The following ELP1 variants were observed in gnomAD, a reference collection of about 807,000 sequenced individuals.
ELP1 encodes the protein elongator complex protein 1.
A neutral mutation model predicts 183.2 loss-of-function variants in ELP1; 131 were observed. The observed-to-expected ratio is 0.72, with a 90% confidence interval of 0.62 to 0.83. ELP1 has a LOEUF of 0.83. Among genes scored for constraint, ELP1 ranks in the 40% least tolerant of loss-of-function variants. ELP1 has a pLI of 0.00. For missense variants in ELP1, 1,550 were observed against 1,594.9 expected (o/e 0.97, Z 0.48); for synonymous variants, 555 against 569.0 (o/e 0.98, Z 0.35).
intron 5 of ELP1, among the ~76,000 whole-genome samples, chr9:108,924,680 A>T (rs750577768): frequency 6.6e-6 from 1 of 152,002 alleles, no homozygotes; most frequent in Non-Finnish European, 1.5e-5. Flanking sequence ...CTACATACCC[A>T]CTACTCTCAG....
chr9:108,897,308 T>TGGTC (rs1221661145), intron 22 of ELP1, 23 bp from the exon 23 acceptor site: 2 of 1,613,700 alleles, frequency 1.2e-6, no homozygotes, highest in African/African-American at 2.7e-5. Flanking sequence ...GTGTATGGAA[T>TGGTC]GGTCATCAAC....
intron 22 of ELP1, among the ~76,000 whole-genome samples, chr9:108,898,112 G>A (rs1828625914): frequency 6.6e-6 from 1 of 152,212 alleles, no homozygotes; most frequent in African/African-American, 2.4e-5. Context: ...GCGAATCCAG[G>A]TGGGGTATAT....
chr9:108,902,761 G>T, intron 16 of ELP1, 78 bp downstream of exon 16: 9 of 1,074,672 alleles, frequency 8.4e-6, no homozygotes, highest in Non-Finnish European at 1.3e-5. Context: ...CACCTCCAAA[G>T]CCCACGCTCT....
intron 12 of ELP1, among the ~76,000 whole-genome samples, chr9:108,909,661 T>A (rs1198440750): frequency 6.6e-6 from 1 of 152,228 alleles, no homozygotes; most frequent in Non-Finnish European, 1.5e-5. Flanking sequence ...TGAACACTGC[T>A]CTGGCTCAAG....
chr9:108,893,610 T>C (rs1828424927), intron 26 of ELP1, among the ~76,000 whole-genome samples: 1 of 152,054 alleles, frequency 6.6e-6, no homozygotes, highest in African/African-American at 2.4e-5. Context: ...ACAAGCAGAG[T>C]TTCCCTGACA....
rs146162690 is a variant in ELP1, at chr9:108,908,289, A to T, written c.1460+16T>A. ...CTGATTCTGTTCCCAGAAGCCCAAG[A>T]TAATTAAGAACCTACTTGTATCTCT... is the stretch of plus-strand genomic sequence containing the variant. On this transcript the variant is annotated intron_variant, in intron 13 of 36. Transcript: ENST00000374647. 136 of 1,587,224 alleles carry T rather than the reference A, an allele frequency of 8.6e-5. No individual in the cohort carries two copies. The African/African-American group carries it at 1.6e-3, about 18-fold the overall frequency.
chr9:108,927,563 T>TGC (rs1829860004), intron 3 of ELP1, 110 bp from the exon 4 acceptor site: 1 of 838,080 alleles, frequency 1.2e-6, no homozygotes, highest in Admixed American at 1.9e-5. Context: ...GACATCAGTA[T>TGC]ATGGAAGAGA....
chr9:108,916,588 T>TG (rs138639916), intron 9 of ELP1, among the ~76,000 whole-genome samples: 98 of 152,306 alleles, frequency 6.4e-4, no homozygotes, highest in African/African-American at 2.2e-3. Context: ...GAATATGGAC[T>TG]GGGTGTTAGA....
chr9:108,917,567 A>C lies in ELP1; in HGVS notation c.844T>G (p.Phe282Val), dbSNP rs1172028452. 6.2e-7 allele frequency: 1 copy of C among 1,614,078 alleles called. No individual in the cohort carries two copies. Among genetic ancestry groups the C allele is most frequent in the South Asian group, 1.1e-5 (1 of 91,088 alleles). ...CTTACCTTAACCTCATCTTTAAGGAAGGGAAGTGTAAAGTGTCCATGAAGG... is the reference window on the plus strand; with the variant it reads ...CTTACCTTAACCTCATCTTTAAGGACGGGAAGTGTAAAGTGTCCATGAAGG... ...GLLHGHFTLPFLKDEVKVNDL... is the reference protein window; with the variant it reads ...GLLHGHFTLPVLKDEVKVNDL... Residue 282 changes from phenylalanine (F) to valine (V), a missense_variant, in exon 9 of 37, where the codon TTC (phenylalanine) becomes GTC (valine). By Grantham distance (50) the Phe-to-Val change is conservative. Transcript: ENST00000374647.
intron 16 of ELP1, among the ~76,000 whole-genome samples, chr9:108,902,018 C>A (rs559700723): frequency 6.6e-6 from 1 of 152,340 alleles, no homozygotes; most frequent in Non-Finnish European, 1.5e-5. Flanking sequence ...ACTGTCCAAA[C>A]CATGAAGCAG....
At chr9:108,877,946 A>T in intron 35 of ELP1, 49 bp downstream of exon 35, 1 of 1,596,196 alleles carries the variant, frequency 6.3e-7, no homozygotes, top group Non-Finnish European at 8.6e-7. Flanking sequence ...GAATACAATA[A>T]CCCATGAAAA....
At chr9:108,870,079 G>A (rs56128265) in intron 36 of ELP1, among the ~76,000 whole-genome samples, 8,097 of 152,002 alleles carry the variant, frequency 0.053, 331 homozygotes, top group Admixed American at 0.12. Flanking sequence ...GGGTTCAAGC[G>A]ATTCTCCTGC....
At chr9:108,892,154 C>T (rs1365956193) in intron 27 of ELP1, among the ~76,000 whole-genome samples, 1 of 152,178 alleles carries the variant, frequency 6.6e-6, no homozygotes, top group East Asian at 1.9e-4. Context: ...AATGCAATCA[C>T]CAAGGCGAGG....
In ELP1 at chr9:108,908,059, C is replaced by A. The variant is rs1477740182; in HGVS notation, c.1460+246G>T. On this transcript the variant is annotated intron_variant, in intron 13 of 36. Transcript: ENST00000374647. ...ACATGATTTTTCCTGGAGAACCAAG[C>A]GCTATTGGGAGTAGGTCCTAGGCTG... Among the ~76,000 whole-genome samples the A allele has an allele frequency of 2.6e-5, 4 of 152,200 alleles. No homozygotes were observed. The East Asian group carries it at 7.7e-4, about 29-fold the overall frequency.
intron 36 of ELP1, among the ~76,000 whole-genome samples, chr9:108,874,087 AT>A (rs1318932905): frequency 2.6e-5 from 4 of 152,246 alleles, no homozygotes; most frequent in African/African-American, 9.6e-5. Context: ...TTCAAATGTC[AT>A]CAAAATGCTA....
chr9:108,909,771 G>A (rs557293066), intron 12 of ELP1, among the ~76,000 whole-genome samples: 1 of 152,196 alleles, frequency 6.6e-6, no homozygotes, highest in East Asian at 1.9e-4. Context: ...ACATATTGAT[G>A]CCGAACAATC....
intron 36 of ELP1, among the ~76,000 whole-genome samples, chr9:108,873,945 A>G (rs1827592168): frequency 6.6e-6 from 1 of 152,170 alleles, no homozygotes; most frequent in African/African-American, 2.4e-5. Context: ...CATTCTCTAG[A>G]CAGAAGAGGA....
intron 2 of ELP1, 68 bp from the exon 3 acceptor site, chr9:108,929,989 G>T: frequency 1.3e-6 from 2 of 1,542,686 alleles, no homozygotes; most frequent in Non-Finnish European, 1.8e-6. Flanking sequence ...AACATTTCCA[G>T]AAATACTTTT....
chr9:108,896,750 AC>A, intron 24 of ELP1, 106 bp from the exon 25 acceptor site: 1 of 1,150,850 alleles, frequency 8.7e-7, no homozygotes, highest in Non-Finnish European at 1.3e-6. Flanking sequence ...ATAGAACTGG[AC>A]ATCAGAAGAA....
Sources: gnomAD v4.1 joint callset for allele counts (sites outside exome capture counted in the v4.1 genomes callset) on GRCh38, gnomAD v4.1.1 for gene constraint, MANE v1.5 for transcripts, NCBI Gene and HGNC (gene_info 2026-07-23, HGNC 2026-07-21) for gene names.